Variants in TPTE2 observed in about 807,000 individuals in gnomAD.
TPTE2 encodes the protein transmembrane phosphoinositide 3-phosphatase and tensin homolog 2.
In TPTE2, 53 loss-of-function variants were observed where a neutral mutation model predicts 78.6. The ratio of observed to expected loss-of-function variants is 0.67; its 90% CI spans 0.54 to 0.85. The LOEUF (loss-of-function observed/expected upper bound fraction) is 0.85, where lower values mean the gene tolerates loss of function less well. Ranked by LOEUF, TPTE2 falls within the 40% of genes least tolerant of loss-of-function variation. The pLI is 0.00. For missense variants in TPTE2, 461 were observed against 623.0 expected, an observed-to-expected ratio of 0.74 and a Z score of 2.77; for synonymous variants, 175 against 206.2, an observed-to-expected ratio of 0.85 and a Z score of 1.30.
chr13:19,558,742 A>T, the TPTE2 span, among the ~76,000 whole-genome samples: 1 of 152,220 alleles, frequency 6.6e-6, no homozygotes, highest in African/African-American at 2.4e-5. Flanking sequence ...AAGTGCTTTA[A>T]ATCAGAAAAC....
intron 10 of TPTE2, among the ~76,000 whole-genome samples, chr13:19,455,275 A>G (rs767305751): frequency 1.3e-5 from 2 of 152,214 alleles, no homozygotes; most frequent in Non-Finnish European, 2.9e-5. Context: ...AACTATCTGC[A>G]TGTATAAAAA....
chr13:19,511,386 A>G (rs1008709450), intron 1 of TPTE2, among the ~76,000 whole-genome samples: 14 of 152,138 alleles, frequency 9.2e-5, no homozygotes, highest in Non-Finnish European at 1.9e-4. Flanking sequence ...ACAACAATAC[A>G]TAGTTTACAG....
chr13:19,445,262 A>T (rs1050487840), intron 13 of TPTE2, among the ~76,000 whole-genome samples: 2 of 152,192 alleles, frequency 1.3e-5, no homozygotes, highest in Non-Finnish European at 2.9e-5. Flanking sequence ...GAGAAAAAAG[A>T]TGAATAATCC....
chr13:19,530,822 G>A (rs1870822649), intron 1 of TPTE2, among the ~76,000 whole-genome samples: 1 of 152,032 alleles, frequency 6.6e-6, no homozygotes, highest in South Asian at 2.1e-4. Context: ...ACCTTGCCCG[G>A]CCCTAAATTT....
intron 1 of TPTE2, among the ~76,000 whole-genome samples, chr13:19,496,841 G>A (rs372450632): frequency 6.6e-5 from 10 of 152,306 alleles, no homozygotes; most frequent in East Asian, 1.9e-4. Context: ...AGCTCCCAGC[G>A]TGAGCGACGC....
rs184208106 is a variant in TPTE2, at chr13:19,486,382, G to T, written c.120-3835C>A. Among the ~76,000 whole-genome samples, 83 of 152,320 alleles carry T rather than the reference G, an allele frequency of 5.4e-4. No individual in the cohort carries two copies. Among genetic ancestry groups the T allele is most frequent in the African/African-American group, 2.0e-3 (83 of 41,564 alleles). The stretch of plus-strand genomic sequence containing the variant: ...GGTGGGCTCACTGGGCTGTTTCTCA[G>T]GGTAGGGGTGTGTGCAGGCATACAC... On this transcript the variant is annotated intron_variant, in intron 3 of 19. Coordinates refer to ENST00000400230, the Ensembl canonical transcript of TPTE2. This position sits in a 1 kb window ranked among gnomAD's most constrained non-coding sequence, Gnocchi z 4.3.
rs1180756385 is a variant in TPTE2 at position 19,437,488 on chromosome 13, G to A, written c.1035+604C>T. Among the ~76,000 whole-genome samples, 5 of 152,324 alleles carry A rather than the reference G, an allele frequency of 3.3e-5. 1 individual carries two copies. Among genetic ancestry groups the A allele is most frequent in the South Asian group, 4.1e-4 (2 of 4,824 alleles). On this transcript the variant is annotated intron_variant, in intron 14 of 19. Coordinates refer to ENST00000400230, the Ensembl canonical transcript of TPTE2. ...ACTAAGCAAAGATATTTACATTCAG[G>A]AGAGGCTTTGTTTTCAGTTGTGAAA...
At chr13:19,513,064 C>G (rs183701511) in intron 1 of TPTE2, among the ~76,000 whole-genome samples, 141 of 152,220 alleles carry the variant, frequency 9.3e-4, no homozygotes, top group African/African-American at 3.3e-3. Context: ...TTAATTCAAA[C>G]TATAAAAAAA....
chr13:19,543,396 G>A, the TPTE2 span, among the ~76,000 whole-genome samples: 9 of 27,670 alleles, frequency 3.3e-4, no homozygotes, highest in Non-Finnish European at 4.7e-4. Context: ...TTTCACTCTT[G>A]TCTTCTAGGC....
At chr13:19,520,544 T>G (rs1018594662) in intron 1 of TPTE2, among the ~76,000 whole-genome samples, 3 of 152,000 alleles carry the variant, frequency 2.0e-5, no homozygotes, top group African/African-American at 7.2e-5. Flanking sequence ...TGTTGATCTT[T>G]TCACATAACT....
chr13:19,499,372 A>G (rs1201539715), intron 1 of TPTE2, among the ~76,000 whole-genome samples: 26 of 151,992 alleles, frequency 1.7e-4, no homozygotes, highest in Non-Finnish European at 3.5e-4. Flanking sequence ...CACCACACCT[A>G]TTCCAAAATT....
At chr13:19,483,415 C>T (rs556312105) in intron 3 of TPTE2, among the ~76,000 whole-genome samples, 1 of 152,074 alleles carries the variant, frequency 6.6e-6, no homozygotes. Context: ...TGTCCACTTC[C>T]TCTAGGTTTT....
chr13:19,502,646 T>C (rs1335652381), intron 1 of TPTE2, among the ~76,000 whole-genome samples: 1 of 81,312 alleles, frequency 1.2e-5, no homozygotes, highest in Non-Finnish European at 2.3e-5. Context: ...TGGGGACTGT[T>C]GTGGGGTAGG....
chr13:19,463,182 A>G (rs781249650), intron 10 of TPTE2, among the ~76,000 whole-genome samples: 1 of 151,532 alleles, frequency 6.6e-6, no homozygotes, highest in Non-Finnish European at 1.5e-5. Context: ...GGATTTTGCC[A>G]TGTTCATCAG....
intron 10 of TPTE2, among the ~76,000 whole-genome samples, chr13:19,454,221 A>G (rs950149136): frequency 1.3e-5 from 2 of 152,184 alleles, no homozygotes; most frequent in African/African-American, 4.8e-5. Context: ...TGCTTTGCTC[A>G]TTCGCTGTTG....
At chr13:19,423,958 T>C (rs1250954349) in intron 19 of TPTE2, among the ~76,000 whole-genome samples, 1 of 152,180 alleles carries the variant, frequency 6.6e-6, no homozygotes, top group African/African-American at 2.4e-5. Flanking sequence ...TTTGTATGCA[T>C]CTAAAAAAAA....
At chr13:19,441,177 A>G (rs1031224375) in intron 13 of TPTE2, among the ~76,000 whole-genome samples, 1 of 152,148 alleles carries the variant, frequency 6.6e-6, no homozygotes, top group Non-Finnish European at 1.5e-5. Flanking sequence ...CAAAAAACCA[A>G]ATACCGTATG....
At chr13:19,514,420 T>C (rs1279454523) in intron 1 of TPTE2, among the ~76,000 whole-genome samples, 1 of 152,090 alleles carries the variant, frequency 6.6e-6, no homozygotes, top group African/African-American at 2.4e-5. Flanking sequence ...TGTTAGTGAA[T>C]CCATAACTCT....
chr13:19,552,102 A>G, the TPTE2 span, among the ~76,000 whole-genome samples: 3 of 152,204 alleles, frequency 2.0e-5, no homozygotes, highest in African/African-American at 4.8e-5. Context: ...TCCAAAGCCT[A>G]CTATGTTTTT....
Sources: allele counts gnomAD v4.1 joint callset (sites outside exome capture counted in the v4.1 genomes callset), GRCh38; gene constraint gnomAD v4.1.1; non-coding constraint Gnocchi (gnomAD v3.1); transcripts MANE v1.5; gene names NCBI Gene and HGNC (gene_info 2026-07-23, HGNC 2026-07-21).